The following MGAT4C variants were observed in gnomAD, a reference collection of about 807,000 sequenced individuals.
MGAT4C encodes alpha-1,3-mannosyl-glycoprotein 4-beta-N-acetylglucosaminyltransferase C.
In MGAT4C, 19 loss-of-function variants were observed where a neutral mutation model predicts 40.1. The ratio of observed to expected loss-of-function variants is 0.47; its 90% CI spans 0.33 to 0.70. MGAT4C has a LOEUF of 0.70. Among genes scored for constraint, MGAT4C ranks in the 30% least tolerant of loss-of-function variants. MGAT4C has a pLI of 0.02. For synonymous variants in MGAT4C, 181 were observed against 187.1 expected (o/e 0.97, Z 0.27); for missense variants, 491 against 563.2 (o/e 0.87, Z 1.30).
chr12:86,782,474 C>A (rs2136184574), intron 1 of MGAT4C, among the ~76,000 whole-genome samples: 1 of 152,124 alleles, frequency 6.6e-6, no homozygotes, highest in South Asian at 2.1e-4. Context: ...AGCCACCGCG[C>A]CCAGACCTAG....
intron 2 of MGAT4C, among the ~76,000 whole-genome samples, chr12:86,033,500 T>C (rs759580661): frequency 2.0e-5 from 3 of 149,372 alleles, no homozygotes; most frequent in African/African-American, 7.3e-5. Context: ...TTCTAGGTAA[T>C]TTTTTTTCTT....
At chr12:86,186,670 A>G (rs1286620838) in intron 1 of MGAT4C, among the ~76,000 whole-genome samples, 1 of 152,136 alleles carries the variant, frequency 6.6e-6, no homozygotes, top group Non-Finnish European at 1.5e-5. Flanking sequence ...GGAGAAGCAT[A>G]CATGCCTAGG....
intron 3 of MGAT4C, among the ~76,000 whole-genome samples, chr12:86,418,545 C>G (rs769894085): frequency 6.6e-6 from 1 of 151,752 alleles, no homozygotes; most frequent in Non-Finnish European, 1.5e-5. Context: ...GAGCCAAGAT[C>G]GTGCCACTGC....
rs1951544992 is a variant in MGAT4C at position 86,767,884 on chromosome 12, T to C, written c.-261-40643A>G. Among the ~76,000 whole-genome samples, 3 of 152,176 alleles carry C rather than the reference T, an allele frequency of 2.0e-5. No homozygotes were observed. In the South Asian group the frequency reaches 6.2e-4, roughly 31 times the overall value. On this transcript the variant is annotated intron_variant, in intron 1 of 7. Coordinates refer to the MGAT4C transcript ENST00000548651. ...ACGTATCTCAAAATAATAAGAGCTA[T>C]CTATGACAAACCCACAGCCAATATC...
At chr12:86,804,122 T>A (rs888575045) in intron 1 of MGAT4C, among the ~76,000 whole-genome samples, 33 of 151,266 alleles carry the variant, frequency 2.2e-4, no homozygotes, top group Admixed American at 1.8e-3. Context: ...TGTAGGGACA[T>A]GGATGAAATT....
chr12:86,733,896 T>C (rs1312637149), intron 1 of MGAT4C, among the ~76,000 whole-genome samples: 1 of 152,056 alleles, frequency 6.6e-6, no homozygotes, highest in East Asian at 1.9e-4. Context: ...AAAAAAATAA[T>C]GAAATTAAAA....
intron 1 of MGAT4C, among the ~76,000 whole-genome samples, chr12:86,226,312 T>G (rs1951072116): frequency 6.6e-6 from 1 of 151,946 alleles, no homozygotes; most frequent in Non-Finnish European, 1.5e-5. Flanking sequence ...AGTCTTAAAA[T>G]GTGAGGTATA....
intron 4 of MGAT4C, among the ~76,000 whole-genome samples, chr12:86,271,371 G>T (rs1218483659): frequency 6.6e-6 from 1 of 152,096 alleles, no homozygotes; most frequent in East Asian, 1.9e-4. Context: ...GACATGAATA[G>T]ATATTTTTCA....
At chr12:86,072,134 C>T (rs1297001340) in intron 1 of MGAT4C, among the ~76,000 whole-genome samples, 2 of 151,554 alleles carry the variant, frequency 1.3e-5, no homozygotes, top group Admixed American at 6.6e-5. Context: ...GAGATAGTTG[C>T]CATGATTATT....
chr12:86,203,366 G>A (rs1474202150), intron 1 of MGAT4C, among the ~76,000 whole-genome samples: 1 of 152,078 alleles, frequency 6.6e-6, no homozygotes, highest in African/African-American at 2.4e-5. Context: ...TTTCCAGTCG[G>A]ATCTGAGCTG....
chr12:86,279,336 T>C (rs1376326464), intron 4 of MGAT4C, among the ~76,000 whole-genome samples: 1 of 152,178 alleles, frequency 6.6e-6, no homozygotes, highest in East Asian at 1.9e-4. Flanking sequence ...ATCTCATTAC[T>C]TGTTATTGGT....
intron 2 of MGAT4C, among the ~76,000 whole-genome samples, chr12:86,539,777 A>G (rs1268504921): frequency 6.6e-6 from 1 of 152,148 alleles, no homozygotes; most frequent in Non-Finnish European, 1.5e-5. Context: ...GCCAGTTATG[A>G]TGAGCATTTT....
intron 1 of MGAT4C, among the ~76,000 whole-genome samples, chr12:86,770,480 C>G (rs1336507689): frequency 6.6e-6 from 1 of 151,844 alleles, no homozygotes; most frequent in East Asian, 1.9e-4. Context: ...ATGATTTCTG[C>G]TTTATATATA....
chr12:86,206,146 C>A (rs970567960), intron 1 of MGAT4C, among the ~76,000 whole-genome samples: 10 of 152,124 alleles, frequency 6.6e-5, no homozygotes, highest in African/African-American at 1.9e-4. Context: ...GAGATGGGAT[C>A]TGAATTAATT....
chr12:86,651,511 C>A (rs543167115), intron 2 of MGAT4C, among the ~76,000 whole-genome samples: 85 of 151,652 alleles, frequency 5.6e-4, no homozygotes, highest in Non-Finnish European at 8.1e-4. Context: ...TTTTAATTGG[C>A]AATCTAGAAT....
intron 2 of MGAT4C, among the ~76,000 whole-genome samples, chr12:86,544,906 T>A (rs1214638469): frequency 6.6e-6 from 1 of 152,032 alleles, no homozygotes; most frequent in Non-Finnish European, 1.5e-5. Flanking sequence ...GATAACTGAG[T>A]CTGCTTTTAT....
intron 2 of MGAT4C, among the ~76,000 whole-genome samples, chr12:86,015,332 T>C (rs977479005): frequency 6.6e-6 from 1 of 151,956 alleles, no homozygotes; most frequent in Non-Finnish European, 1.5e-5. Context: ...CTTCTAGCAC[T>C]GTCTCCCTTT....
At chr12:86,040,930 G>A (rs1348733963) in intron 2 of MGAT4C, among the ~76,000 whole-genome samples, 1 of 152,120 alleles carries the variant, frequency 6.6e-6, no homozygotes, top group African/African-American at 2.4e-5. Context: ...TTGGCTAGGA[G>A]AGGGAGTTCC....
At chr12:86,619,244 G>A (rs991781808) in intron 2 of MGAT4C, among the ~76,000 whole-genome samples, 5 of 151,972 alleles carry the variant, frequency 3.3e-5, no homozygotes, top group Admixed American at 3.3e-4. Context: ...TATATGTCTT[G>A]TTTTCAATAT....
Sources: gnomAD v4.1 joint callset for allele counts (sites outside exome capture counted in the v4.1 genomes callset) on GRCh38, gnomAD v4.1.1 for gene constraint, MANE v1.5 for transcripts, NCBI Gene and HGNC (gene_info 2026-07-23, HGNC 2026-07-21) for gene names.